The following NAALADL2 variants were observed in gnomAD, a reference collection of about 807,000 sequenced individuals.
The protein encoded by NAALADL2 is N-acetylated alpha-linked acidic dipeptidase like 2.
NAALADL2 carries 76 observed loss-of-function variants against 87.2 expected under a neutral mutation model. The observed-to-expected ratio is 0.87, with a 90% confidence interval of 0.72 to 1.05. The LOEUF (loss-of-function observed/expected upper bound fraction) is 1.05, where lower values mean the gene tolerates loss of function less well. NAALADL2 is among the 50% of genes least tolerant of loss of function. The pLI is 0.00. For synonymous variants in NAALADL2, 354 were observed against 331.0 expected, an observed-to-expected ratio of 1.07 and a Z score of -0.75; for missense variants, 1,089 against 945.8, an observed-to-expected ratio of 1.15 and a Z score of -1.99.
chr3:175,528,936 A>T (rs1733759371), intron 9 of NAALADL2, among the ~76,000 whole-genome samples: 1 of 152,220 alleles, frequency 6.6e-6, no homozygotes, highest in African/African-American at 2.4e-5. Context: ...AGTATTGATG[A>T]CTACCTTCTT....
At chr3:174,561,356 T>C (rs1278043745) in intron 2 of NAALADL2, among the ~76,000 whole-genome samples, 1 of 151,960 alleles carries the variant, frequency 6.6e-6, no homozygotes, top group East Asian at 1.9e-4. Context: ...TGTGCCACCA[T>C]GCCCAGCTAA....
intron 3 of NAALADL2, among the ~76,000 whole-genome samples, chr3:174,750,679 C>T (rs1734738430): frequency 6.6e-6 from 1 of 152,088 alleles, no homozygotes; most frequent in South Asian, 2.1e-4. Context: ...GGTGATCCAC[C>T]CGTCTCAGCC....
At chr3:175,283,249 G>GT (rs1754549506) in intron 4 of NAALADL2, among the ~76,000 whole-genome samples, 1 of 152,070 alleles carries the variant, frequency 6.6e-6, no homozygotes, top group African/African-American at 2.4e-5. Context: ...CGTTTACCGA[G>GT]TGACCAGGTA....
At chr3:175,395,642 G>A (rs1278037707) in intron 5 of NAALADL2, among the ~76,000 whole-genome samples, 1 of 152,154 alleles carries the variant, frequency 6.6e-6, no homozygotes, top group African/African-American at 2.4e-5. Flanking sequence ...TGTTAATTCA[G>A]CAAAGATCAA....
At chr3:175,247,930 C>A (rs1049650133) in intron 3 of NAALADL2, among the ~76,000 whole-genome samples, 1 of 152,150 alleles carries the variant, frequency 6.6e-6, no homozygotes, top group Admixed American at 6.5e-5. Context: ...TCAAAATCTT[C>A]ATTTCACTAA....
chr3:175,343,781 A>T (rs1322706041), intron 5 of NAALADL2, among the ~76,000 whole-genome samples: 1 of 151,680 alleles, frequency 6.6e-6, no homozygotes, highest in Non-Finnish European at 1.5e-5. Context: ...TAAAAAATAA[A>T]ATTTCTGCTA....
intron 4 of NAALADL2, among the ~76,000 whole-genome samples, chr3:175,307,192 T>G (rs961235301): frequency 2.0e-5 from 3 of 151,944 alleles, no homozygotes; most frequent in Non-Finnish European, 4.4e-5. Flanking sequence ...TAAAAAAATA[T>G]ACAAATAAGA....
At chr3:175,675,410 T>C (rs2149860064) in intron 11 of NAALADL2, 1 of 152,350 alleles carries the variant, frequency 6.6e-6, no homozygotes, top group South Asian at 2.1e-4. Context: ...CCTCTACTTC[T>C]GGAATGACTG....
At chr3:174,863,574 A>G (rs1477788360) in intron 1 of NAALADL2, among the ~76,000 whole-genome samples, 3 of 151,904 alleles carry the variant, frequency 2.0e-5, no homozygotes, top group Non-Finnish European at 4.4e-5. Context: ...TAAAATAAGT[A>G]AAAGAAAAAA....
intron 2 of NAALADL2, among the ~76,000 whole-genome samples, chr3:175,201,234 T>C (rs1048615406): frequency 1.3e-5 from 2 of 152,184 alleles, no homozygotes; most frequent in Admixed American, 6.5e-5. Flanking sequence ...GTAACATTTG[T>C]GGAAAACCAC....
intron 1 of NAALADL2, among the ~76,000 whole-genome samples, chr3:174,441,934 TGTGTTG>T (rs1714679489): frequency 2.6e-5 from 4 of 152,178 alleles, no homozygotes; most frequent in Non-Finnish European, 5.9e-5. Flanking sequence ...GACTGAAAGT[TGTGTTG>T]CAGTTATCCC....
In NAALADL2 at chr3:175,111,804, G is replaced by C. The variant is rs138230854; in HGVS notation, c.545+14513G>C. Among the ~76,000 whole-genome samples, 110 of 151,624 alleles carry C rather than the reference G, an allele frequency of 7.3e-4. 1 individual carries two copies. The highest frequency in any genetic ancestry group is 9.2e-4 in the Non-Finnish European group (62 of 67,732). ...CACATATATTCATATTCCCTGTAGTGCCAGTACTATATTTTGGTACGGGCA... is the reference window on the plus strand; with the variant it reads ...CACATATATTCATATTCCCTGTAGTCCCAGTACTATATTTTGGTACGGGCA... On this transcript the variant is annotated intron_variant, in intron 2 of 13. Transcript: ENST00000454872.
In NAALADL2 at chr3:175,658,003, T is replaced by A. The variant is rs75984870; in HGVS notation, c.1896+30617T>A. Among the ~76,000 whole-genome samples, 866 of 152,004 alleles carry A rather than the reference T, an allele frequency of 5.7e-3. 21 individuals are homozygous for A. Among genetic ancestry groups the A allele is most frequent in the Admixed American group, 0.038 (583 of 15,252 alleles). On this transcript the variant is annotated intron_variant, in intron 11 of 13. Transcript: ENST00000454872. Reference sequence around the variant, plus strand: ...GGAAAAAAGAATATGTATATATATATAATATATACATATGTATGCATACAC... The same window carrying A: ...GGAAAAAAGAATATGTATATATATAAAATATATACATATGTATGCATACAC...
intron 5 of NAALADL2, among the ~76,000 whole-genome samples, chr3:175,349,771 C>A (rs1026953355): frequency 6.6e-6 from 1 of 152,112 alleles, no homozygotes; most frequent in African/African-American, 2.4e-5. Context: ...CATATACCCC[C>A]GTTTTTAAAA....
At chr3:175,493,894 G>T (rs1728452819) in intron 9 of NAALADL2, among the ~76,000 whole-genome samples, 3 of 152,070 alleles carry the variant, frequency 2.0e-5, no homozygotes, top group Admixed American at 2.0e-4. Flanking sequence ...ATTTCCCTAG[G>T]AGCTGGGAAG....
chr3:174,610,540 A>G (rs1719715184), intron 2 of NAALADL2, among the ~76,000 whole-genome samples: 3 of 152,256 alleles, frequency 2.0e-5, no homozygotes, highest in Admixed American at 1.3e-4. Flanking sequence ...GAAGACATTT[A>G]TGCAGCCAAA....
At chr3:175,360,826 ATGTG>A (rs1553873565) in intron 5 of NAALADL2, among the ~76,000 whole-genome samples, 9 of 66,664 alleles carry the variant, frequency 1.4e-4, no homozygotes, top group East Asian at 1.6e-3. Flanking sequence ...GTGTGTGTGT[ATGTG>A]TGTGTGTGTG....
intron 1 of NAALADL2, among the ~76,000 whole-genome samples, chr3:175,062,527 T>TA (rs1713731778): frequency 6.8e-6 from 1 of 147,498 alleles, no homozygotes; most frequent in Non-Finnish European, 1.5e-5. Context: ...TGTGTGTGTT[T>TA]CCAACTGTGA....
rs527806318 is a variant in NAALADL2 at position 174,813,369 on chromosome 3, A to G, written c.-9+75623A>G. ...GTGGACCTGGGCCATGGGTTGGACA[A>G]GCTTTTTTAATACTCTATTTTTACC... is the stretch of plus-strand genomic sequence containing the variant. On this transcript the variant is annotated intron_variant, in intron 3 of 3. Transcript: ENST00000434257. 0.01 allele frequency among the ~76,000 whole-genome samples: 445 copies of G among 42,982 alleles called. 23 individuals carry two copies. The South Asian group carries it at 0.22, about 21-fold the overall frequency. 28.2% of individuals were successfully genotyped at this position (42,982 alleles called of 152,430 possible). A position where few individuals can be genotyped will look rare whatever the true frequency, so the allele number is the denominator to read the frequency against.
Sources: gnomAD v4.1 joint callset for allele counts (sites outside exome capture counted in the v4.1 genomes callset) on GRCh38, gnomAD v4.1.1 for gene constraint, MANE v1.5 for transcripts, NCBI Gene and HGNC (gene_info 2026-07-23, HGNC 2026-07-21) for gene names.